Variants in UBE2H observed in about 807,000 individuals in gnomAD.
UBE2H encodes the protein ubiquitin-conjugating enzyme E2 H.
UBE2H carries 3 observed loss-of-function variants against 29.0 expected under a neutral mutation model. The observed-to-expected ratio is 0.10, with a 90% CI of 0.05 to 0.27. The LOEUF is 0.27. Ranked by LOEUF, UBE2H falls within the 10% of genes least tolerant of loss-of-function variation. The pLI is 1.00. For synonymous variants in UBE2H, 69 were observed against 82.9 expected (o/e 0.83, Z 0.91); for missense variants, 68 against 228.2 (o/e 0.30, Z 4.52).
chr7:129,871,713 C>CAAATAAAAAA (rs1554433111), intron 3 of UBE2H, among the ~76,000 whole-genome samples: 2 of 124,402 alleles, frequency 1.6e-5, no homozygotes, highest in African/African-American at 3.0e-5. Context: ...GACTCTGTAT[C>CAAATAAAAAA]AAAAAAAAAA....
In UBE2H at chr7:129,881,098, A is replaced by T. The variant is rs998563656; in HGVS notation, c.54-127T>A. 9 of 661,034 alleles carry T rather than the reference A, an allele frequency of 1.4e-5. No individual in the cohort carries two copies. In the African/African-American group the frequency reaches 1.7e-4, roughly 12 times the overall value. The allele number at this position is 661,034 out of a possible 1,614,324, so 40.9% of individuals were successfully genotyped here. A position where few individuals can be genotyped will look rare whatever the true frequency, so the allele number is the denominator to read the frequency against. ...GCATGACATTGATAAAATATACATA[A>T]TAATTCTGGTAGTTTAGGAGGAGGC... On this transcript the variant is annotated intron_variant, in intron 1 of 6. Coordinates refer to ENST00000355621, the MANE Select transcript of UBE2H (RefSeq NM_003344.4).
intron 3 of UBE2H, among the ~76,000 whole-genome samples, chr7:129,867,723 C>CAAAAAAAAAAAAAAAAAAAAAAAA (rs1563027569): frequency 2.8e-3 from 183 of 65,504 alleles, no homozygotes; most frequent in Middle Eastern, 8.6e-3. Flanking sequence ...AAAAAGAAAA[C>CAAAAAAAAAAAAAAAAAAAAAAAA]CAAAAAAAAA....
intron 5 of UBE2H, among the ~76,000 whole-genome samples, chr7:129,842,835 G>A (rs1412230531): frequency 6.6e-6 from 1 of 151,966 alleles, no homozygotes; most frequent in Non-Finnish European, 1.5e-5. Flanking sequence ...CCCAGGAGGT[G>A]GAGTTTGCAG....
chr7:129,835,543 G>A (rs990946207), intron 6 of UBE2H, among the ~76,000 whole-genome samples: 2 of 152,166 alleles, frequency 1.3e-5, no homozygotes, highest in African/African-American at 4.8e-5. Context: ...CTGCCTGTCA[G>A]GTTTTTGAAG....
At chr7:129,866,496 G>A (rs1051874694) in intron 3 of UBE2H, among the ~76,000 whole-genome samples, 1 of 152,042 alleles carries the variant, frequency 6.6e-6, no homozygotes, top group Admixed American at 6.6e-5. Context: ...ACACTGTTGG[G>A]TTCAGGCAGT....
chr7:129,907,965 G>T (rs1339091801), intron 1 of UBE2H, among the ~76,000 whole-genome samples: 1 of 152,124 alleles, frequency 6.6e-6, no homozygotes, highest in Non-Finnish European at 1.5e-5. Flanking sequence ...AACACTAGTA[G>T]CCTGAAACCA....
intron 1 of UBE2H, among the ~76,000 whole-genome samples, chr7:129,936,804 GAAAAAAAAAAA>G (rs1171897255): frequency 2.6e-5 from 2 of 78,026 alleles, no homozygotes; most frequent in Admixed American, 1.5e-4. Context: ...TCTCTACTAG[GAAAAAAAAAAA>G]AAAAAAAAAA....
chr7:129,897,160 G>T (rs1806616385), intron 1 of UBE2H, among the ~76,000 whole-genome samples: 1 of 152,012 alleles, frequency 6.6e-6, no homozygotes, highest in Admixed American at 6.6e-5. Flanking sequence ...CCCTACACTG[G>T]ATAATTACCA....
At chr7:129,899,242 G>A (rs961125105) in intron 1 of UBE2H, among the ~76,000 whole-genome samples, 2 of 144,812 alleles carry the variant, frequency 1.4e-5, no homozygotes, top group Non-Finnish European at 3.0e-5. Flanking sequence ...ATTTCTAGAA[G>A]TGGAACTTCT....
chr7:129,864,815 G>C (rs928034300), intron 3 of UBE2H, among the ~76,000 whole-genome samples: 2 of 152,074 alleles, frequency 1.3e-5, no homozygotes, highest in Non-Finnish European at 2.9e-5. Context: ...GCCTACCAAA[G>C]TGCTGGGATT....
At chr7:129,864,552 C>CTTTTT (rs757244811) in intron 3 of UBE2H, among the ~76,000 whole-genome samples, 7 of 75,670 alleles carry the variant, frequency 9.3e-5, no homozygotes, top group Admixed American at 1.9e-4. Flanking sequence ...TTTTTCTTTT[C>CTTTTT]TTTCTTTTTT....
chr7:129,930,555 G>A (rs552267828), intron 1 of UBE2H, among the ~76,000 whole-genome samples: 1 of 152,170 alleles, frequency 6.6e-6, no homozygotes, highest in East Asian at 2.0e-4. Flanking sequence ...TGGATCACGA[G>A]GTCAGGTGTT....
intron 1 of UBE2H, among the ~76,000 whole-genome samples, chr7:129,931,836 C>CTTTT (rs372552075): frequency 7.6e-6 from 1 of 131,300 alleles, no homozygotes; most frequent in Non-Finnish European, 1.6e-5. Flanking sequence ...TTCTACTTTG[C>CTTTT]TTTTTTTTTT....
At chr7:129,909,895 T>C (rs76641622) in intron 1 of UBE2H, among the ~76,000 whole-genome samples, 9,509 of 152,042 alleles carry the variant, frequency 0.063, 368 homozygotes, top group Non-Finnish European at 0.092. Context: ...AACAGCTGAT[T>C]ATATAAAGTG....
At chr7:129,951,933 C>T (rs1723728) in intron 1 of UBE2H, among the ~76,000 whole-genome samples, 126,765 of 152,102 alleles carry the variant, frequency 0.83, 52,997 homozygotes, top group East Asian at 0.97. Flanking sequence ...GAGGGACTGA[C>T]TGAAAACACA....
chr7:129,913,184 A>AGAG (rs1806973332), intron 1 of UBE2H, among the ~76,000 whole-genome samples: 1 of 150,624 alleles, frequency 6.6e-6, no homozygotes, highest in South Asian at 2.1e-4. Flanking sequence ...CCCCGGAGGC[A>AGAG]GAGGCTGCAG....
chr7:129,857,378 C>A, intron 5 of UBE2H, 133 bp downstream of exon 5: 6 of 846,666 alleles, frequency 7.1e-6, no homozygotes, highest in Non-Finnish European at 1.1e-5. Context: ...ACTGATCAAA[C>A]TTTCCCAGTC....
chr7:129,940,392 C>T (rs1807617746), intron 1 of UBE2H, among the ~76,000 whole-genome samples: 1 of 152,140 alleles, frequency 6.6e-6, no homozygotes, highest in Admixed American at 6.5e-5. Flanking sequence ...TATGGATCCT[C>T]CAAGTGCTAC....
At chr7:129,950,984 C>A (rs993173087) in intron 1 of UBE2H, among the ~76,000 whole-genome samples, 14 of 152,224 alleles carry the variant, frequency 9.2e-5, no homozygotes, top group African/African-American at 3.1e-4. Context: ...CCCAAAAATT[C>A]TAAACTCCAA....
Sources: allele counts gnomAD v4.1 joint callset (sites outside exome capture counted in the v4.1 genomes callset), GRCh38; gene constraint gnomAD v4.1.1; transcripts MANE v1.5; gene names NCBI Gene and HGNC (gene_info 2026-07-23, HGNC 2026-07-21).